The following JAK2 variants were observed in gnomAD, a reference collection of about 807,000 sequenced individuals.
The protein encoded by JAK2 is Janus kinase 2.
In JAK2, 86 loss-of-function variants were observed where a neutral mutation model predicts 139.3. That is an observed-to-expected ratio of 0.62 (90% CI 0.52 to 0.74). JAK2 has a LOEUF of 0.74. Ranked by LOEUF, JAK2 falls within the 30% of genes least tolerant of loss-of-function variation. The probability of loss-of-function intolerance (pLI) is 0.00; values close to 1 mark genes in which losing one functional copy is unlikely to be tolerated. For synonymous variants in JAK2, 490 were observed against 437.7 expected (o/e 1.12, Z -1.49); for missense variants, 1,421 against 1,360.3 (o/e 1.04, Z -0.70).
chr9:5,040,507 G>A (rs985688961), intron 4 of JAK2, among the ~76,000 whole-genome samples: 2 of 152,168 alleles, frequency 1.3e-5, no homozygotes, highest in South Asian at 2.1e-4. Context: ...TCAAAAATGC[G>A]AAAAGACCAC....
At chr9:5,027,881 A>G (rs2130132756) in intron 3 of JAK2, among the ~76,000 whole-genome samples, 1 of 152,284 alleles carries the variant, frequency 6.6e-6, no homozygotes, top group East Asian at 1.9e-4. Context: ...TTCTAATTTT[A>G]GTTCTCTTGT....
chr9:5,080,938 C>T (rs1257779757), intron 18 of JAK2, among the ~76,000 whole-genome samples: 1 of 140,096 alleles, frequency 7.1e-6, no homozygotes, highest in Non-Finnish European at 1.5e-5. Context: ...CTCTGTCGCC[C>T]AGGCTGGAGT....
At chr9:5,093,340 C>T (rs1289879282) in intron 22 of JAK2, among the ~76,000 whole-genome samples, 1 of 152,150 alleles carries the variant, frequency 6.6e-6, no homozygotes, top group Non-Finnish European at 1.5e-5. Context: ...TGCCCAGTGA[C>T]ATATGTTCAA....
rs113258792 is a variant in JAK2 at position 4,991,647 on chromosome 9, T to A, written c.-26+5625T>A. ...TGTATAAAGTTTAAAAAGGAAATGGTTTACCAATGTTTATGACAAAAACCA... is the reference window on the plus strand; with the variant it reads ...TGTATAAAGTTTAAAAAGGAAATGGATTACCAATGTTTATGACAAAAACCA... On this transcript the variant is annotated intron_variant, in intron 2 of 24. Transcript: ENST00000381652. Among the ~76,000 whole-genome samples, 296 of 152,144 alleles carry A rather than the reference T, an allele frequency of 1.9e-3. 3 individuals carry two copies. The highest frequency in any genetic ancestry group is 0.014 in the Middle Eastern group (4 of 294).
At chr9:5,042,528 G>A (rs1222135720) in intron 4 of JAK2, among the ~76,000 whole-genome samples, 1 of 152,148 alleles carries the variant, frequency 6.6e-6, no homozygotes, top group East Asian at 1.9e-4. Context: ...AAAAAGAAAG[G>A]CCCCCTCCAC....
At chr9:5,111,430 GA>G in intron 22 of JAK2, 1 of 397,526 alleles carries the variant, frequency 2.5e-6, no homozygotes. Context: ...CGAAGGTCGG[GA>G]AGGTCCCGCC....
At chr9:4,990,288 T>C (rs995161272) in intron 2 of JAK2, among the ~76,000 whole-genome samples, 3 of 152,136 alleles carry the variant, frequency 2.0e-5, no homozygotes, top group African/African-American at 7.2e-5. Flanking sequence ...CCAGAGAGAT[T>C]TAAAAATGTG....
intron 19 of JAK2, 122 bp downstream of exon 19, chr9:5,081,983 G>C (rs1819734342): frequency 3.9e-6 from 3 of 772,872 alleles, no homozygotes; most frequent in Non-Finnish European, 6.3e-6. Flanking sequence ...AAAAGGTTTG[G>C]TTGTCAGATG....
intron 2 of JAK2, among the ~76,000 whole-genome samples, chr9:4,992,738 C>A (rs1820330719): frequency 6.6e-6 from 1 of 152,098 alleles, no homozygotes; most frequent in African/African-American, 2.4e-5. Context: ...TTATATGTCC[C>A]CTGCATACTT....
At position 5,044,465 on chromosome 9, in the gene JAK2, G is replaced by C. The variant is rs777208458; in HGVS notation, c.413G>C (p.Arg138Pro). ...SNRAYRHGIS[R>P]GAEAPLLDDF... ...AGAGCCTATCGGCATGGAATATCTC[G>C]AGGTGCTGAAGCTCCTCTTCTTGAT... Residue 138 changes from arginine to proline, a missense_variant, in exon 5 of 25, where the codon CGA becomes CCA. Transcript: ENST00000381652. 4 of 1,613,158 alleles carry C rather than the reference G, an allele frequency of 2.5e-6. No homozygotes were observed. In the South Asian group the frequency reaches 3.3e-5, roughly 13 times the overall value.
chr9:5,115,894 C>T (rs531693826), intron 22 of JAK2, among the ~76,000 whole-genome samples: 1 of 152,188 alleles, frequency 6.6e-6, no homozygotes, highest in Admixed American at 6.5e-5. Context: ...ACATCACACA[C>T]CAGGGCCTGT....
At chr9:5,086,375 C>T (rs1034486362) in intron 19 of JAK2, among the ~76,000 whole-genome samples, 7 of 142,826 alleles carry the variant, frequency 4.9e-5, no homozygotes, top group Middle Eastern at 3.5e-3. Flanking sequence ...ATTCCTTTTT[C>T]CTCCATGGTG....
At position 5,032,053 on chromosome 9, in the gene JAK2, TC is replaced by T. The variant is rs200998878; in HGVS notation, c.350+2150del. ...GACGGCACCTGGAAAATCGGGTCAC[TC>T]CCACTCTAATACTGCGCTATTCTAA... On this transcript the variant is annotated intron_variant, in intron 4 of 24. Coordinates refer to ENST00000381652, the MANE Select transcript of JAK2 (RefSeq NM_004972.4). Among the ~76,000 whole-genome samples the T allele has an allele frequency of 6.3e-3, 963 of 152,350 alleles. 22 individuals carry two copies. In the East Asian group the frequency reaches 0.066, roughly 10 times the overall value.
intron 4 of JAK2, chr9:5,041,310 T>A: frequency 1.3e-6 from 1 of 799,174 alleles, no homozygotes; most frequent in East Asian, 2.6e-5. Flanking sequence ...AAGAAGCACA[T>A]CCCGTGCAGC....
chr9:5,064,855 G>C (rs762925701), intron 8 of JAK2, 28 bp from the exon 9 acceptor site: 1 of 1,484,482 alleles, frequency 6.7e-7, no homozygotes, highest in South Asian at 1.4e-5. Flanking sequence ...TCTAAAAGGT[G>C]CTATTTCTTT....
intron 3 of JAK2, among the ~76,000 whole-genome samples, chr9:5,027,608 T>G (rs2130130131): frequency 1.3e-5 from 2 of 152,352 alleles, no homozygotes; most frequent in Middle Eastern, 6.8e-3. Flanking sequence ...TAGTATGCAA[T>G]GCTATTTGAT....
chr9:5,078,686 T>C (rs1819476905), intron 16 of JAK2, among the ~76,000 whole-genome samples: 1 of 152,162 alleles, frequency 6.6e-6, no homozygotes, highest in African/African-American at 2.4e-5. Context: ...TCTAATTATG[T>C]ATGAAGGATA....
intron 3 of JAK2, among the ~76,000 whole-genome samples, chr9:5,025,538 C>T (rs1187386740): frequency 2.9e-5 from 4 of 140,348 alleles, no homozygotes; most frequent in Admixed American, 1.4e-4. Context: ...AGTTTGTTTC[C>T]TTTTTTTTTT....
Position 5,089,687 on chromosome 9 carries a change from G to T in JAK2, c.2585G>T (p.Ser862Ile). Reference sequence around the variant, plus strand: ...TGTGTCATTTAGGGTAATTTTGGGAGTGTGGAGATGTGCCGGTATGACCCT... The same window carrying T: ...TGTGTCATTTAGGGTAATTTTGGGATTGTGGAGATGTGCCGGTATGACCCT... ...LQQLGKGNFG[S>I]VEMCRYDPLQ... Residue 862 changes from serine to isoleucine, a missense_variant, in exon 20 of 25, where the codon AGT becomes ATT. Ser to Ile is a moderately radical substitution (Grantham distance 142). Coordinates refer to ENST00000381652, the MANE Select transcript of JAK2 (RefSeq NM_004972.4). The T allele has an allele frequency of 1.4e-6, 2 of 1,396,362 alleles. No homozygotes were observed. The highest frequency in any genetic ancestry group is 1.9e-6 in the Non-Finnish European group (2 of 1,066,996). 86.5% of individuals were successfully genotyped at this position (1,396,362 alleles called of 1,614,324 possible). A position where few individuals can be genotyped will look rare whatever the true frequency, so the allele number is the denominator to read the frequency against.
Sources: gnomAD v4.1 joint callset for allele counts (sites outside exome capture counted in the v4.1 genomes callset) on GRCh38, gnomAD v4.1.1 for gene constraint, MANE v1.5 for transcripts, NCBI Gene and HGNC (gene_info 2026-07-23, HGNC 2026-07-21) for gene names.